The following CSMD1 variants were observed in gnomAD, a reference collection of about 807,000 sequenced individuals.
The protein encoded by CSMD1 is CUB and sushi domain-containing protein 1.
A neutral mutation model predicts 417.5 loss-of-function variants in CSMD1; 213 were observed. That is an observed-to-expected ratio of 0.51 (90% CI 0.46 to 0.57). The LOEUF is 0.57. CSMD1 is among the 20% of genes least tolerant of loss of function. The pLI is 0.00. For synonymous variants in CSMD1, 2,862 were observed against 1,736.8 expected (o/e 1.65, Z -16.11); for missense variants, 6,923 against 4,529.7 (o/e 1.53, Z -15.17).
intron 1 of CSMD1, among the ~76,000 whole-genome samples, chr8:4,749,686 G>C (rs953129487): frequency 1.3e-5 from 2 of 152,026 alleles, no homozygotes; most frequent in African/African-American, 2.4e-5. Flanking sequence ...AATTTACCAA[G>C]TTAGCAATTT....
chr8:4,642,385 C>A (rs570152237), intron 1 of CSMD1, among the ~76,000 whole-genome samples: 7 of 152,270 alleles, frequency 4.6e-5, no homozygotes, highest in South Asian at 4.2e-4. Context: ...ACTCTGAACA[C>A]CCCCCTACAG....
intron 6 of CSMD1, among the ~76,000 whole-genome samples, chr8:3,729,627 C>T (rs565952519): frequency 2.0e-5 from 3 of 151,934 alleles, no homozygotes; most frequent in Admixed American, 6.6e-5. Flanking sequence ...TGTGGAAAGA[C>T]GGTGAACTCA....
Position 4,267,241 on chromosome 8 carries a change from C to A in CSMD1, c.415+152712G>T, listed in dbSNP as rs1169287232. On this transcript the variant is annotated intron_variant, in intron 3 of 69. Coordinates refer to ENST00000635120, the MANE Select transcript of CSMD1 (RefSeq NM_033225.6). The stretch of plus-strand genomic sequence containing the variant: ...AACAGTTATTAAAGAAAAGTGAGTT[C>A]AATGAAGTTGCTACTTAGAAAATAT... Among the ~76,000 whole-genome samples, 3 of 102,998 alleles carry A rather than the reference C, an allele frequency of 2.9e-5. 1 individual carries two copies. Among genetic ancestry groups the A allele is most frequent in the Non-Finnish European group, 7.8e-5 (3 of 38,288 alleles). 67.6% of individuals were successfully genotyped at this position (102,998 alleles called of 152,430 possible).
intron 1 of CSMD1, among the ~76,000 whole-genome samples, chr8:4,971,751 T>A (rs1005740110): frequency 8.6e-5 from 13 of 151,784 alleles, no homozygotes; most frequent in African/African-American, 3.1e-4. Context: ...ATTACCAACT[T>A]TTATGTCCTA....
intron 3 of CSMD1, among the ~76,000 whole-genome samples, chr8:4,195,309 C>T (rs1184325577): frequency 6.6e-6 from 1 of 152,102 alleles, no homozygotes; most frequent in East Asian, 1.9e-4. Context: ...TATTAATAGG[C>T]AGAAAAGGCA....
intron 1 of CSMD1, among the ~76,000 whole-genome samples, chr8:4,915,896 G>C (rs573288624): frequency 9.2e-5 from 14 of 152,338 alleles, no homozygotes; most frequent in African/African-American, 3.1e-4. Context: ...ATAAGTGCCA[G>C]GCAGGAGTGG....
chr8:3,057,055 G>A (rs1812278385), intron 49 of CSMD1, among the ~76,000 whole-genome samples: 1 of 151,964 alleles, frequency 6.6e-6, no homozygotes. Context: ...AGAAATCATG[G>A]GTTTGCTTCA....
chr8:4,179,925 A>G, intron 3 of CSMD1, among the ~76,000 whole-genome samples: 1 of 152,160 alleles, frequency 6.6e-6, no homozygotes, highest in Non-Finnish European at 1.5e-5. Flanking sequence ...AAGTCAGGAA[A>G]CAAAAGGTGC....
chr8:4,118,843 A>C (rs1802312035), intron 3 of CSMD1, among the ~76,000 whole-genome samples: 1 of 152,228 alleles, frequency 6.6e-6, no homozygotes, highest in Non-Finnish European at 1.5e-5. Flanking sequence ...GAACCAACCC[A>C]AATGCTCAAC....
chr8:4,336,891 G>A (rs117854547), intron 3 of CSMD1, among the ~76,000 whole-genome samples: 1 of 152,014 alleles, frequency 6.6e-6, no homozygotes, highest in Non-Finnish European at 1.5e-5. Flanking sequence ...ACGGGAATGG[G>A]ATTGCCTAAT....
chr8:3,432,792 G>T (rs369075595), intron 12 of CSMD1, among the ~76,000 whole-genome samples: 2 of 152,066 alleles, frequency 1.3e-5, no homozygotes, highest in African/African-American at 4.8e-5. Context: ...GGGATTACAG[G>T]CATGAGCCAC....
rs142609841 is a variant in CSMD1, at chr8:3,877,196, G to C, written c.818+120707C>G. On this transcript the variant is annotated intron_variant, in intron 5 of 69. Coordinates refer to ENST00000635120, the MANE Select transcript of CSMD1 (RefSeq NM_033225.6). ...GAGAAGTGACTTTTGGAAGAAGGAA[G>C]TGGACACTGGGCTCAGCACCCCACA... is the stretch of plus-strand genomic sequence containing the variant. Among the ~76,000 whole-genome samples the C allele has an allele frequency of 5.5e-4, 84 of 152,268 alleles. 1 individual carries two copies. In the East Asian group the frequency reaches 0.015, roughly 27 times the overall value.
chr8:3,788,384 C>T (rs1018722341), intron 5 of CSMD1, among the ~76,000 whole-genome samples: 1 of 152,152 alleles, frequency 6.6e-6, no homozygotes, highest in Admixed American at 6.5e-5. Flanking sequence ...CAGCAGCCTT[C>T]ATTGGTCACA....
intron 4 of CSMD1, among the ~76,000 whole-genome samples, chr8:4,025,324 G>C (rs769354603): frequency 3.3e-5 from 5 of 152,172 alleles, no homozygotes; most frequent in African/African-American, 7.2e-5. Flanking sequence ...ATGTTTTCCA[G>C]TCAGGAAGAA....
intron 1 of CSMD1, among the ~76,000 whole-genome samples, chr8:4,782,467 T>C (rs190366960): frequency 6.6e-6 from 1 of 152,184 alleles, no homozygotes; most frequent in Non-Finnish European, 1.5e-5. Context: ...ACACTTTAGA[T>C]TTAAAGAAAT....
intron 3 of CSMD1, among the ~76,000 whole-genome samples, chr8:4,247,563 G>T (rs1324316201): frequency 3.3e-5 from 5 of 151,996 alleles, no homozygotes; most frequent in African/African-American, 4.8e-5. Flanking sequence ...TAAGAATTCC[G>T]CATAATACCA....
intron 10 of CSMD1, among the ~76,000 whole-genome samples, chr8:3,546,413 G>A (rs1358192329): frequency 6.6e-6 from 1 of 151,952 alleles, no homozygotes; most frequent in East Asian, 1.9e-4. Context: ...GCATATTCCT[G>A]TAGTCCCAGC....
At chr8:3,986,634 A>C (rs994993275) in intron 5 of CSMD1, among the ~76,000 whole-genome samples, 2 of 152,136 alleles carry the variant, frequency 1.3e-5, no homozygotes, top group African/African-American at 2.4e-5. Flanking sequence ...TGATTTTCCT[A>C]AAGTACTGCT....
chr8:3,315,533 C>T (rs1179521750), intron 23 of CSMD1, among the ~76,000 whole-genome samples: 1 of 151,382 alleles, frequency 6.6e-6, no homozygotes, highest in Non-Finnish European at 1.5e-5. Flanking sequence ...AAATTGAGTC[C>T]TCTTGTTAGC....
Sources: allele counts gnomAD v4.1 joint callset (sites outside exome capture counted in the v4.1 genomes callset), GRCh38; gene constraint gnomAD v4.1.1; transcripts MANE v1.5; gene names NCBI Gene and HGNC (gene_info 2026-07-23, HGNC 2026-07-21).